ARPC1A: variants seen among roughly 807,000 people sequenced by gnomAD.
The protein encoded by ARPC1A is actin-related protein 2/3 complex subunit 1A.
Under a neutral mutation model 46.9 loss-of-function variants are expected in ARPC1A, and 8 were observed. That is an observed-to-expected ratio of 0.17 (90% confidence interval 0.10 to 0.31). The LOEUF is 0.31. Ranked by LOEUF, ARPC1A falls within the 10% of genes least tolerant of loss-of-function variation. ARPC1A has a pLI of 1.00. For missense variants in ARPC1A, 286 were observed against 483.6 expected, an observed-to-expected ratio of 0.59 and a Z score of 3.83; for synonymous variants, 152 against 169.0, an observed-to-expected ratio of 0.90 and a Z score of 0.78.
rs149604532 is a variant in ARPC1A at position 99,354,520 on chromosome 7, CAAAAAAAAAA to C, written c.713+412_713+421del. ...TGGGCGACAGAGTAAGACTCCGTCTCAAAAAAAAAAAAAAAAAAAAAACACCTCAATGAAA... is the reference window on the plus strand; with the variant it reads ...TGGGCGACAGAGTAAGACTCCGTCTCAAAAAAAAAAAACACCTCAATGAAA... On this transcript the variant is annotated intron_variant, in intron 6 of 9. Coordinates refer to ENST00000262942, the MANE Select transcript of ARPC1A (RefSeq NM_006409.4). Among the ~76,000 whole-genome samples the C allele has an allele frequency of 1.4e-4, 8 of 55,824 alleles. 1 individual carries two copies. Among genetic ancestry groups the C allele is most frequent in the African/African-American group, 4.2e-4 (8 of 18,866 alleles). The allele number at this position is 55,824 out of a possible 152,430, so 36.6% of individuals were successfully genotyped here. A position where few individuals can be genotyped will look rare whatever the true frequency, so the allele number is the denominator to read the frequency against.
chr7:99,358,492 CCCTAG>C, intron 7 of ARPC1A, 77 bp downstream of exon 7: 2 of 1,276,832 alleles, frequency 1.6e-6, no homozygotes, highest in East Asian at 4.7e-5. Context: ...TGCTCTGTCA[CCCTAG>C]CACAAAGCAG....
chr7:99,359,719 C>A lies in ARPC1A; in HGVS notation c.964C>A (p.Leu322Met). 6.2e-7 allele frequency: 1 copy of A among 1,614,186 alleles called. No homozygotes were observed. Among genetic ancestry groups the A allele is most frequent in the Non-Finnish European group, 8.5e-7 (1 of 1,180,048 alleles). Residue 322 changes from leucine to methionine, a missense_variant, in exon 8 of 10, where the codon CTG becomes ATG. Physicochemically the swap from Leu to Met is conservative, Grantham distance 15. This residue lies in a region of ARPC1A where 182 missense variants were observed against 276.7 expected (regional missense o/e 0.66). Transcript: ENST00000262942. ...TEDRNTALET[L>M]HQNSITQVSI... ...GGACCGCAACACGGCCTTGGAGACG[C>A]TGCACCAGAATAGCATCACGTAGGT...
intron 1 of ARPC1A, among the ~76,000 whole-genome samples, chr7:99,332,048 G>A (rs1027905914): frequency 3.3e-5 from 5 of 152,146 alleles, no homozygotes; most frequent in African/African-American, 1.2e-4. Flanking sequence ...TCTATAGAAT[G>A]GCACACACCC....
chr7:99,328,923 C>T (rs964106513), intron 1 of ARPC1A, among the ~76,000 whole-genome samples: 7 of 151,620 alleles, frequency 4.6e-5, no homozygotes, highest in South Asian at 2.1e-4. Context: ...TGCAGTCCAG[C>T]CTGGGTGACA....
intron 7 of ARPC1A, 119 bp downstream of exon 7, chr7:99,358,534 C>CA: frequency 1.6e-4 from 76 of 465,506 alleles, no homozygotes; most frequent in Non-Finnish European, 2.5e-4. Context: ...AAACAGAGCT[C>CA]ACTTTTTTTT....
chr7:99,356,559 C>G (rs573817513), intron 6 of ARPC1A, among the ~76,000 whole-genome samples: 1 of 145,928 alleles, frequency 6.9e-6, no homozygotes, highest in Admixed American at 7.0e-5. Flanking sequence ...GAGCCAAGAT[C>G]GCACCACTGC....
intron 6 of ARPC1A, 135 bp from the exon 7 acceptor site, chr7:99,358,204 AG>A: frequency 1.2e-6 from 1 of 801,442 alleles, no homozygotes; most frequent in South Asian, 1.7e-5. Flanking sequence ...AGTTGAGGTC[AG>A]GGGCTCCTTT....
rs952422659 is a variant in ARPC1A at position 99,353,949 on chromosome 7, G to A, written c.541G>A (p.Ala181Thr). Residue 181 changes from alanine (A) to threonine (T), a missense_variant, in exon 6 of 10, where the codon GCC becomes ACC. Ala to Thr is a moderately conservative substitution (Grantham distance 58). Transcript: ENST00000262942. ...AYIKEVDEKP[A>T]STPWGSKMPF... ...CATTAAAGAAGTGGATGAAAAGCCA[G>A]CCAGCACGCCCTGGGGCAGCAAGAT... is the stretch of plus-strand genomic sequence containing the variant. 1.2e-6 allele frequency: 2 copies of A among 1,613,966 alleles called. No individual in the cohort carries two copies. The highest frequency in any genetic ancestry group is 1.7e-6 in the Non-Finnish European group (2 of 1,179,860).
chr7:99,362,293 C>CAATA lies in ARPC1A; in HGVS notation c.984-1235_984-1232dup, dbSNP rs1367755405. Among the ~76,000 whole-genome samples the CAATA allele has an allele frequency of 5.3e-4, 78 of 147,316 alleles. 1 individual carries two copies. The highest frequency in any genetic ancestry group is 1.9e-3 in the African/African-American group (74 of 39,982). The stretch of plus-strand genomic sequence containing the variant: ...TGAGTGACAGAGTGAGACTCCATCT[C>CAATA]AATAAATAAATAAATAAAATAAAAA... On this transcript the variant is annotated intron_variant, in intron 8 of 9. Transcript: ENST00000262942.
At chr7:99,363,167 C>T (rs1166962998) in intron 8 of ARPC1A, among the ~76,000 whole-genome samples, 1 of 152,190 alleles carries the variant, frequency 6.6e-6, no homozygotes, top group Non-Finnish European at 1.5e-5. Flanking sequence ...CTTAACTTCT[C>T]CCCTTGCCAG....
At chr7:99,355,968 G>T (rs1015880160) in intron 6 of ARPC1A, among the ~76,000 whole-genome samples, 1 of 152,180 alleles carries the variant, frequency 6.6e-6, no homozygotes, top group African/African-American at 2.4e-5. Flanking sequence ...TTTGTGAGTG[G>T]CGTGTCTGTT....
chr7:99,365,734 G>T (rs1191290114), intron 9 of ARPC1A, among the ~76,000 whole-genome samples, 157 bp from the exon 10 acceptor site: 4 of 152,160 alleles, frequency 2.6e-5, no homozygotes, highest in Non-Finnish European at 4.4e-5. Context: ...GAGTGTCTCT[G>T]CGGGGTGAGT....
intron 8 of ARPC1A, among the ~76,000 whole-genome samples, chr7:99,360,936 G>GT (rs1793728817): frequency 9.5e-6 from 1 of 104,860 alleles, no homozygotes. Context: ...GTGAGACTCC[G>GT]TCTCAAAAAA....
At position 99,358,403 on chromosome 7, in the gene ARPC1A, C is replaced by T. The variant is rs368913591; in HGVS notation, c.777C>T (p.Ser259=). 5.0e-5 allele frequency: 81 copies of T among 1,613,946 alleles called. No individual in the cohort carries two copies. The highest frequency in any genetic ancestry group is 4.8e-4 in the African/African-American group (36 of 74,922). ...LLSVSFVSEN[S]VVAAGHDCCP... is the part of the protein sequence containing the mutation. ...GTGTGTCATTTGTCTCAGAGAACAGCGTCGTGGCTGCTGTGAGTATTTTTC... is the reference window on the plus strand; with the variant it reads ...GTGTGTCATTTGTCTCAGAGAACAGTGTCGTGGCTGCTGTGAGTATTTTTC... Residue 259 remains serine, a synonymous_variant, in exon 7 of 10, where the codon AGC becomes AGT. Coordinates refer to ENST00000262942, the MANE Select transcript of ARPC1A (RefSeq NM_006409.4).
At chr7:99,353,457 C>CTTATTTATTTAT (rs56733844) in intron 5 of ARPC1A, among the ~76,000 whole-genome samples, 9,141 of 139,436 alleles carry the variant, frequency 0.066, 594 homozygotes, top group African/African-American at 0.15. Context: ...CGCACCCAGC[C>CTTATTTATTTAT]TTATTTATTT....
At chr7:99,341,493 C>T (rs951597558) in intron 3 of ARPC1A, among the ~76,000 whole-genome samples, 3 of 151,832 alleles carry the variant, frequency 2.0e-5, no homozygotes, top group South Asian at 4.2e-4. Context: ...CCTGTAATCC[C>T]AGCTACTCAG....
At chr7:99,343,995 C>G (rs2150865268) in intron 3 of ARPC1A, among the ~76,000 whole-genome samples, 1 of 152,258 alleles carries the variant, frequency 6.6e-6, no homozygotes, top group Non-Finnish European at 1.5e-5. Context: ...CTTTAGAAGT[C>G]TTAGAAATGT....
chr7:99,349,107 G>C, intron 5 of ARPC1A, 148 bp downstream of exon 5: 1 of 754,494 alleles, frequency 1.3e-6, no homozygotes, highest in Non-Finnish European at 2.2e-6. Flanking sequence ...CTGGAGTGCA[G>C]TGGCACCATC....
chr7:99,353,186 T>C (rs1318528479), intron 5 of ARPC1A, among the ~76,000 whole-genome samples: 1 of 151,194 alleles, frequency 6.6e-6, no homozygotes, highest in Non-Finnish European at 1.5e-5. Context: ...AGAGACGGTG[T>C]CTCGCTCTGT....
Sources: gnomAD v4.1 joint callset for allele counts (sites outside exome capture counted in the v4.1 genomes callset) on GRCh38, gnomAD v4.1.1 for gene constraint, gnomAD v4.1.1 regional missense constraint, MANE v1.5 for transcripts, NCBI Gene and HGNC (gene_info 2026-07-23, HGNC 2026-07-21) for gene names.